The following ADAMTSL1 variants were observed in gnomAD, a reference collection of about 807,000 sequenced individuals.
ADAMTSL1 encodes the protein ADAMTS-like protein 1.
A neutral mutation model predicts 201.8 loss-of-function variants in ADAMTSL1; 126 were observed. The observed-to-expected ratio is 0.62, with a 90% confidence interval of 0.54 to 0.72. The LOEUF (loss-of-function observed/expected upper bound fraction) is 0.72, where lower values mean the gene tolerates loss of function less well. ADAMTSL1 is among the 30% of genes least tolerant of loss of function. The pLI, the probability that ADAMTSL1 is intolerant of heterozygous loss-of-function variation, is 0.00. For missense variants in ADAMTSL1, 2,679 were observed against 2,277.8 expected (o/e 1.18, Z -3.59); for synonymous variants, 1,121 against 903.4 (o/e 1.24, Z -4.32).
chr9:18,683,549 A>G (rs2133191211), intron 12 of ADAMTSL1, among the ~76,000 whole-genome samples: 1 of 152,234 alleles, frequency 6.6e-6, no homozygotes, highest in Middle Eastern at 3.4e-3. Flanking sequence ...TTACTGGGAT[A>G]GTTGGAGTAG....
chr9:18,845,599 T>A (rs895532229), intron 23 of ADAMTSL1, among the ~76,000 whole-genome samples: 11 of 152,272 alleles, frequency 7.2e-5, no homozygotes, highest in African/African-American at 2.7e-4. Flanking sequence ...GCAGTGGTAT[T>A]CTGACCACCC....
chr9:18,814,613 C>G (rs1465379765), intron 20 of ADAMTSL1, among the ~76,000 whole-genome samples: 2 of 152,168 alleles, frequency 1.3e-5, no homozygotes. Context: ...GGCCATTACC[C>G]TTAGCAAACT....
At chr9:18,760,377 C>T (rs1820006074) in intron 16 of ADAMTSL1, among the ~76,000 whole-genome samples, 1 of 152,130 alleles carries the variant, frequency 6.6e-6, no homozygotes, top group African/African-American at 2.4e-5. Flanking sequence ...TGTTTCCCAA[C>T]TTGGTATTGA....
intron 15 of ADAMTSL1, among the ~76,000 whole-genome samples, chr9:18,734,913 G>A (rs1818418364): frequency 6.6e-6 from 1 of 152,082 alleles, no homozygotes; most frequent in African/African-American, 2.4e-5. Context: ...ATTCCACTGT[G>A]TAAGAGTATC....
At chr9:18,288,624 A>T (rs1166897958) in intron 2 of ADAMTSL1, among the ~76,000 whole-genome samples, 1 of 152,218 alleles carries the variant, frequency 6.6e-6, no homozygotes, top group African/African-American at 2.4e-5. Flanking sequence ...ACAGGAAGGT[A>T]GGAAGGCAAA....
chr9:18,189,075 A>G (rs1828861278), intron 2 of ADAMTSL1, among the ~76,000 whole-genome samples: 1 of 152,176 alleles, frequency 6.6e-6, no homozygotes, highest in Admixed American at 6.5e-5. Flanking sequence ...GTAAATGGGA[A>G]AAGCTGTATC....
intron 1 of ADAMTSL1, among the ~76,000 whole-genome samples, chr9:18,074,511 C>CTTTTCTT (rs368569922): frequency 0.14 from 13,012 of 93,368 alleles, 1,085 homozygotes; most frequent in South Asian, 0.15. Context: ...CTTTTCTTTT[C>CTTTTCTT]TTCTTTTCTT....
chr9:18,485,772 G>A (rs972432616), intron 1 of ADAMTSL1, among the ~76,000 whole-genome samples: 1 of 152,214 alleles, frequency 6.6e-6, no homozygotes, highest in African/African-American at 2.4e-5. Flanking sequence ...ATCATGCAGG[G>A]TGTTGCAGGC....
chr9:18,573,370 A>G (rs1240079601), intron 3 of ADAMTSL1: 2 of 154,870 alleles, frequency 1.3e-5, no homozygotes, highest in East Asian at 1.9e-4. Context: ...TAGGGGCAAT[A>G]ACTCTGCACT....
intron 2 of ADAMTSL1, among the ~76,000 whole-genome samples, chr9:18,260,999 T>C (rs573656599): frequency 6.8e-6 from 1 of 146,008 alleles, no homozygotes; most frequent in South Asian, 2.3e-4. Context: ...AATCTCCTCT[T>C]TTTTTCCTTT....
intron 1 of ADAMTSL1, among the ~76,000 whole-genome samples, chr9:18,160,624 TC>T (rs1423404191): frequency 1.3e-5 from 2 of 151,940 alleles, no homozygotes; most frequent in African/African-American, 4.8e-5. Flanking sequence ...AAATTGGGAA[TC>T]CTGGTCTGAG....
chr9:18,807,931 A>C (rs974912579), intron 20 of ADAMTSL1, among the ~76,000 whole-genome samples: 8 of 152,216 alleles, frequency 5.3e-5, no homozygotes, highest in African/African-American at 1.9e-4. Context: ...AATCGTGTCC[A>C]CAAACATAGG....
intron 23 of ADAMTSL1, among the ~76,000 whole-genome samples, chr9:18,883,389 G>C (rs1389110646): frequency 6.6e-6 from 1 of 152,176 alleles, no homozygotes; most frequent in South Asian, 2.1e-4. Context: ...TTGTGGTCTA[G>C]GTTTGGAACT....
At chr9:18,348,817 A>G (rs1329086770) in intron 2 of ADAMTSL1, among the ~76,000 whole-genome samples, 2 of 152,206 alleles carry the variant, frequency 1.3e-5, no homozygotes. Context: ...TTTAACTGCC[A>G]TAAAATAATG....
chr9:18,686,164 G>T (rs200642109), intron 13 of ADAMTSL1, among the ~76,000 whole-genome samples: 1 of 151,994 alleles, frequency 6.6e-6, no homozygotes, highest in African/African-American at 2.4e-5. Context: ...CAAGCAATCC[G>T]CCTGCCTCAG....
chr9:18,880,999 G>C (rs948905306), intron 23 of ADAMTSL1, among the ~76,000 whole-genome samples: 7 of 152,112 alleles, frequency 4.6e-5, no homozygotes, highest in South Asian at 2.1e-4. Context: ...ACCTCTGCTA[G>C]CTTCCAACTT....
intron 2 of ADAMTSL1, among the ~76,000 whole-genome samples, chr9:18,390,364 C>T (rs1360152741): frequency 6.6e-6 from 1 of 152,164 alleles, no homozygotes; most frequent in African/African-American, 2.4e-5. Flanking sequence ...CACTAAGATG[C>T]ACAGGTGTTT....
intron 21 of ADAMTSL1, among the ~76,000 whole-genome samples, chr9:18,819,049 A>G (rs1824038648): frequency 6.6e-6 from 1 of 151,840 alleles, no homozygotes; most frequent in Admixed American, 6.6e-5. Flanking sequence ...CAGAACCATC[A>G]CCCCTCAACA....
chr9:18,673,028 A>C (rs1829922853), intron 9 of ADAMTSL1, among the ~76,000 whole-genome samples: 1 of 152,116 alleles, frequency 6.6e-6, no homozygotes, highest in African/African-American at 2.4e-5. Context: ...TTTACCCCCA[A>C]GCCAACTGTT....
Sources: gnomAD v4.1 joint callset for allele counts (sites outside exome capture counted in the v4.1 genomes callset) on GRCh38, gnomAD v4.1.1 for gene constraint, MANE v1.5 for transcripts, NCBI Gene and HGNC (gene_info 2026-07-23, HGNC 2026-07-21) for gene names.